Variants in SGCZ observed in about 807,000 individuals in gnomAD.
SGCZ encodes the protein sarcoglycan zeta, also known as zeta-sarcoglycan.
A neutral mutation model predicts 41.3 loss-of-function variants in SGCZ; 40 were observed. The ratio of observed to expected loss-of-function variants is 0.97; its 90% CI spans 0.75 to 1.26. SGCZ has a LOEUF of 1.26. SGCZ is among the 50% of genes most tolerant of loss of function. SGCZ has a pLI of 0.00. For missense variants in SGCZ, 552 were observed against 369.8 expected (o/e 1.49, Z -4.04); for synonymous variants, 206 against 137.5 (o/e 1.50, Z -3.49).
chr8:14,574,405 C>T (rs1000075285), intron 1 of SGCZ, among the ~76,000 whole-genome samples: 3 of 152,252 alleles, frequency 2.0e-5, no homozygotes, highest in East Asian at 1.9e-4. Flanking sequence ...AAAGGTATTA[C>T]TCTAACTTTC....
At chr8:14,981,252 TAAAGTA>T (rs1801653634) in intron 1 of SGCZ, among the ~76,000 whole-genome samples, 1 of 152,234 alleles carries the variant, frequency 6.6e-6, no homozygotes. Context: ...AACTCAGCTT[TAAAGTA>T]AATCAGTTAC....
intron 1 of SGCZ, among the ~76,000 whole-genome samples, chr8:14,681,075 G>C (rs1808431994): frequency 6.6e-6 from 1 of 151,434 alleles, no homozygotes; most frequent in Middle Eastern, 3.4e-3. Context: ...AGAGTAATGA[G>C]CTAGACAAAT....
intron 2 of SGCZ, among the ~76,000 whole-genome samples, chr8:14,535,108 AT>A (rs1349424826): frequency 6.6e-6 from 1 of 152,010 alleles, no homozygotes; most frequent in Non-Finnish European, 1.5e-5. Context: ...GTACACAAAC[AT>A]TTGATTCAAC....
At chr8:14,981,282 T>A (rs1801654433) in intron 1 of SGCZ, among the ~76,000 whole-genome samples, 1 of 152,226 alleles carries the variant, frequency 6.6e-6, no homozygotes, top group African/African-American at 2.4e-5. Context: ...ATAGTTCACA[T>A]TCCTTATTAT....
intron 1 of SGCZ, among the ~76,000 whole-genome samples, chr8:14,932,769 T>G (rs543837491): frequency 6.6e-6 from 1 of 152,132 alleles, no homozygotes; most frequent in Non-Finnish European, 1.5e-5. Context: ...CCAAAACAAC[T>G]AATATTTCTT....
chr8:14,746,973 G>C (rs1407661512), intron 1 of SGCZ, among the ~76,000 whole-genome samples: 2 of 152,180 alleles, frequency 1.3e-5, no homozygotes, highest in Non-Finnish European at 2.9e-5. Flanking sequence ...ATTCATACCT[G>C]ATACAGTTTA....
intron 1 of SGCZ, among the ~76,000 whole-genome samples, chr8:15,055,114 T>C (rs1191759454): frequency 6.6e-6 from 1 of 152,140 alleles, no homozygotes; most frequent in Non-Finnish European, 1.5e-5. Context: ...CTCTTCATAA[T>C]ATGGTTCCTG....
intron 1 of SGCZ, among the ~76,000 whole-genome samples, chr8:14,975,593 C>T (rs1246332667): frequency 5.9e-5 from 9 of 151,998 alleles, no homozygotes; most frequent in Non-Finnish European, 1.5e-5. Flanking sequence ...TCAGCTTCCA[C>T]TGACAGATAT....
chr8:14,324,035 T>G, intron 3 of SGCZ, 68 bp downstream of exon 3: 2 of 1,046,332 alleles, frequency 1.9e-6, no homozygotes, highest in Non-Finnish European at 1.5e-6. Context: ...GATTCTACCC[T>G]GCTATTTCAA....
At position 14,748,581 on chromosome 8, in the gene SGCZ, T is replaced by C. The variant is rs527358062; in HGVS notation, c.40-193655A>G. ...GCATTGGAATATTTCGGCATGTTTC[T>C]CTGCCAGAAAAATATATAACGGAGC... On this transcript the variant is annotated intron_variant, in intron 1 of 7. Coordinates refer to ENST00000382080, the MANE Select transcript of SGCZ (RefSeq NM_139167.4). Among the ~76,000 whole-genome samples, 7 of 152,296 alleles carry C rather than the reference T, an allele frequency of 4.6e-5. No individual in the cohort carries two copies. The South Asian group carries it at 8.3e-4, about 18-fold the overall frequency.
intron 4 of SGCZ, among the ~76,000 whole-genome samples, chr8:14,209,509 T>G (rs1805727684): frequency 6.6e-6 from 1 of 152,176 alleles, no homozygotes; most frequent in Non-Finnish European, 1.5e-5. Context: ...GTACATTTCC[T>G]ATTACATAAG....
At chr8:14,885,476 T>C (rs1488501804) in intron 1 of SGCZ, among the ~76,000 whole-genome samples, 1 of 152,132 alleles carries the variant, frequency 6.6e-6, no homozygotes, top group Non-Finnish European at 1.5e-5. Flanking sequence ...CCTTCTTTGA[T>C]TGAAAAATTC....
At chr8:15,226,592 C>T (rs1001565375) in intron 1 of SGCZ, among the ~76,000 whole-genome samples, 7 of 151,988 alleles carry the variant, frequency 4.6e-5, no homozygotes, top group Admixed American at 4.6e-4. Context: ...GCATCAGGCC[C>T]ACCCTTGGTG....
At chr8:14,463,039 C>T (rs1800947257) in intron 2 of SGCZ, among the ~76,000 whole-genome samples, 1 of 151,488 alleles carries the variant, frequency 6.6e-6, no homozygotes, top group African/African-American at 2.4e-5. Context: ...GACTAATATT[C>T]TGCTACTTTG....
chr8:14,386,825 G>C (rs1243258728), intron 2 of SGCZ, among the ~76,000 whole-genome samples: 2 of 152,072 alleles, frequency 1.3e-5, no homozygotes, highest in Non-Finnish European at 2.9e-5. Context: ...CAAGTTGTGT[G>C]TATATTTTAA....
chr8:14,421,922 G>A (rs1001131122), intron 2 of SGCZ, among the ~76,000 whole-genome samples: 2 of 152,168 alleles, frequency 1.3e-5, no homozygotes, highest in African/African-American at 2.4e-5. Context: ...AAGCTTATGG[G>A]CCAAGACTTT....
intron 1 of SGCZ, among the ~76,000 whole-genome samples, chr8:14,658,568 C>T (rs900453919): frequency 2.6e-5 from 4 of 152,164 alleles, no homozygotes; most frequent in African/African-American, 7.2e-5. Flanking sequence ...CTTTGGTTCG[C>T]CCACTCCTTA....
chr8:14,277,263 T>A (rs1460440374), intron 3 of SGCZ, among the ~76,000 whole-genome samples: 1 of 152,200 alleles, frequency 6.6e-6, no homozygotes, highest in Non-Finnish European at 1.5e-5. Flanking sequence ...AAGTTCAAAA[T>A]GTTCAACCAT....
chr8:14,802,228 T>G (rs1801343883), intron 1 of SGCZ, among the ~76,000 whole-genome samples: 1 of 152,278 alleles, frequency 6.6e-6, no homozygotes, highest in South Asian at 2.1e-4. Flanking sequence ...TGCATGGGAA[T>G]AAGAAAGACA....
Sources: gnomAD v4.1 joint callset for allele counts (sites outside exome capture counted in the v4.1 genomes callset) on GRCh38, gnomAD v4.1.1 for gene constraint, MANE v1.5 for transcripts, NCBI Gene and HGNC (gene_info 2026-07-23, HGNC 2026-07-21) for gene names.